PTPRT: variants seen among roughly 807,000 people sequenced by gnomAD.
PTPRT encodes protein tyrosine phosphatase receptor type T.
Under a neutral mutation model 176.8 loss-of-function variants are expected in PTPRT, and 56 were observed. The ratio of observed to expected loss-of-function variants is 0.32; its 90% CI spans 0.26 to 0.40. PTPRT has a LOEUF of 0.40. Among genes scored for constraint, PTPRT ranks in the 10% least tolerant of loss-of-function variants. The pLI, the probability that PTPRT is intolerant of heterozygous loss-of-function variation, is 1.00. For synonymous variants in PTPRT, 783 were observed against 739.0 expected, an observed-to-expected ratio of 1.06 and a Z score of -0.96; for missense variants, 1,540 against 1,908.2, an observed-to-expected ratio of 0.81 and a Z score of 3.60.
intron 6 of PTPRT, among the ~76,000 whole-genome samples, chr20:42,750,551 G>T (rs1358784072): frequency 6.6e-6 from 1 of 152,112 alleles, no homozygotes; most frequent in Non-Finnish European, 1.5e-5. Flanking sequence ...AACCTCCCTT[G>T]GTAGGAAGTC....
chr20:42,977,678 T>C (rs1983028091), intron 1 of PTPRT, among the ~76,000 whole-genome samples: 1 of 152,248 alleles, frequency 6.6e-6, no homozygotes, highest in African/African-American at 2.4e-5. Flanking sequence ...AAATAGAGTG[T>C]GACTTTTGAC....
intron 6 of PTPRT, among the ~76,000 whole-genome samples, chr20:42,700,544 A>C (rs1337705071): frequency 6.6e-6 from 1 of 152,238 alleles, no homozygotes; most frequent in African/African-American, 2.4e-5. Context: ...GAACTTATTA[A>C]ACAAGCCGAC....
At chr20:43,091,148 G>A (rs927000670) in intron 1 of PTPRT, among the ~76,000 whole-genome samples, 1 of 152,034 alleles carries the variant, frequency 6.6e-6, no homozygotes, top group Non-Finnish European at 1.5e-5. Context: ...CAGGAGAATC[G>A]CTTGAACCTG....
intron 6 of PTPRT, among the ~76,000 whole-genome samples, chr20:42,733,160 C>A (rs2076488247): frequency 6.6e-6 from 1 of 152,186 alleles, no homozygotes; most frequent in Non-Finnish European, 1.5e-5. Flanking sequence ...GGTTTAACCA[C>A]CTGCCCTGCA....
chr20:42,739,317 A>G (rs2076575530), intron 6 of PTPRT, among the ~76,000 whole-genome samples: 1 of 152,060 alleles, frequency 6.6e-6, no homozygotes, highest in Non-Finnish European at 1.5e-5. Context: ...TTTACAGGGA[A>G]TGAGAAGGAA....
intron 26 of PTPRT, among the ~76,000 whole-genome samples, chr20:42,099,694 A>G (rs1257267196): frequency 3.3e-5 from 5 of 152,088 alleles, no homozygotes; most frequent in African/African-American, 9.7e-5. Context: ...TCAAGAGATG[A>G]TGATGGTTTC....
intron 6 of PTPRT, among the ~76,000 whole-genome samples, chr20:42,717,224 G>A (rs1377012886): frequency 7.3e-5 from 11 of 150,888 alleles, no homozygotes; most frequent in African/African-American, 1.9e-4. Flanking sequence ...AAAAGCAGAG[G>A]TGTAGGTCTT....
At chr20:42,237,365 C>T (rs1001727491) in intron 14 of PTPRT, among the ~76,000 whole-genome samples, 1 of 152,134 alleles carries the variant, frequency 6.6e-6, no homozygotes, top group Admixed American at 6.5e-5. Flanking sequence ...CTTGAATAAA[C>T]TCTCTGTTCC....
At chr20:42,930,817 T>G (rs1979798077) in intron 1 of PTPRT, among the ~76,000 whole-genome samples, 1 of 152,140 alleles carries the variant, frequency 6.6e-6, no homozygotes, top group East Asian at 1.9e-4. Flanking sequence ...CTCTCTATTA[T>G]GAAACAAAAC....
chr20:42,841,059 C>G (rs1339846128), intron 2 of PTPRT, among the ~76,000 whole-genome samples: 1 of 152,174 alleles, frequency 6.6e-6, no homozygotes, highest in Non-Finnish European at 1.5e-5. Context: ...CCCAAGCACC[C>G]TTGCCATGAG....
At chr20:42,963,312 G>A (rs1403190778) in intron 1 of PTPRT, among the ~76,000 whole-genome samples, 1 of 152,002 alleles carries the variant, frequency 6.6e-6, no homozygotes, top group African/African-American at 2.4e-5. Flanking sequence ...CTTGAACCCA[G>A]GAGGCAGTAA....
At chr20:42,564,079 G>A (rs2072999042) in intron 7 of PTPRT, among the ~76,000 whole-genome samples, 1 of 152,158 alleles carries the variant, frequency 6.6e-6, no homozygotes, top group Non-Finnish European at 1.5e-5. Flanking sequence ...CAGGGCTGGA[G>A]GTGACTCATT....
intron 1 of PTPRT, among the ~76,000 whole-genome samples, chr20:42,898,136 G>A (rs2079336205): frequency 6.6e-6 from 1 of 152,156 alleles, no homozygotes; most frequent in Non-Finnish European, 1.5e-5. Context: ...CTTTGAATAA[G>A]TCATGTAGAC....
intron 7 of PTPRT, among the ~76,000 whole-genome samples, chr20:42,614,407 T>C (rs2074028873): frequency 6.6e-6 from 1 of 152,152 alleles, no homozygotes; most frequent in Admixed American, 6.6e-5. Context: ...CCATAGTACC[T>C]TGTACCAATC....
chr20:42,404,350 G>T (rs1054662428), intron 9 of PTPRT, among the ~76,000 whole-genome samples: 23 of 152,022 alleles, frequency 1.5e-4, no homozygotes, highest in Non-Finnish European at 2.5e-4. Flanking sequence ...AAAGAGCCTG[G>T]GTGCTTGAAT....
At chr20:42,625,089 C>T (rs935230157) in intron 7 of PTPRT, among the ~76,000 whole-genome samples, 3 of 152,140 alleles carry the variant, frequency 2.0e-5, no homozygotes, top group Non-Finnish European at 4.4e-5. Flanking sequence ...ACTGACACAG[C>T]GGCCCCACAA....
intron 1 of PTPRT, among the ~76,000 whole-genome samples, chr20:42,926,715 C>T (rs1979506941): frequency 6.6e-6 from 1 of 152,160 alleles, no homozygotes; most frequent in Admixed American, 6.5e-5. Context: ...CTGAACCTCT[C>T]CATGTCTCAT....
chr20:42,377,621 C>T (rs1477842668), intron 9 of PTPRT, among the ~76,000 whole-genome samples: 1 of 152,156 alleles, frequency 6.6e-6, no homozygotes. Context: ...AGCTCTTTGT[C>T]TCAATTTCAA....
chr20:43,002,010 G>A (rs1264289242), intron 1 of PTPRT, among the ~76,000 whole-genome samples: 1 of 152,128 alleles, frequency 6.6e-6, no homozygotes, highest in Non-Finnish European at 1.5e-5. Context: ...GAGAGACCTG[G>A]TAGGAAGTTA....
Sources: allele counts gnomAD v4.1 joint callset (sites outside exome capture counted in the v4.1 genomes callset), GRCh38; gene constraint gnomAD v4.1.1; transcripts MANE v1.5; gene names NCBI Gene and HGNC (gene_info 2026-07-23, HGNC 2026-07-21).